Variants in NFYC observed in about 807,000 individuals in gnomAD.
NFYC encodes nuclear transcription factor Y subunit gamma, also known as CAAT box DNA-binding protein subunit C.
In NFYC, 25 loss-of-function variants were observed where a neutral mutation model predicts 53.1. The ratio of observed to expected loss-of-function variants is 0.47; its 90% CI spans 0.34 to 0.66. The LOEUF is 0.66. NFYC is among the 30% of genes least tolerant of loss of function. The pLI, the probability that NFYC is intolerant of heterozygous loss-of-function variation, is 0.01. For synonymous variants in NFYC, 145 were observed against 152.6 expected, an observed-to-expected ratio of 0.95 and a Z score of 0.37; for missense variants, 260 against 422.7, an observed-to-expected ratio of 0.62 and a Z score of 3.38.
intron 2 of NFYC, among the ~76,000 whole-genome samples, chr1:40,746,276 G>T (rs975688440): frequency 1.3e-5 from 2 of 152,142 alleles, no homozygotes; most frequent in Non-Finnish European, 2.9e-5. Context: ...AGAGCAGAGT[G>T]GTAGCCAAGC....
intron 4 of NFYC, among the ~76,000 whole-genome samples, chr1:40,751,168 T>C (rs1443664375): frequency 6.6e-6 from 1 of 152,178 alleles, no homozygotes; most frequent in African/African-American, 2.4e-5. Context: ...AATTCTGAGG[T>C]ATTGATGAAA....
chr1:40,691,872 G>GT lies in NFYC; in HGVS notation c.-9+6dup, dbSNP rs753359344. ...TTCCTGGACTCCTGAGCAGAGGTGT[G>GT]TGAGTGTGCGGGAGTTTCTGTGCGA... is the stretch of plus-strand genomic sequence containing the variant. On this transcript the variant is annotated splice_donor_region_variant and intron_variant, in intron 1 of 9. Transcript: ENST00000447388. 1.5e-5 allele frequency: 6 copies of GT among 401,160 alleles called. No homozygotes were observed. Among genetic ancestry groups the GT allele is most frequent in the South Asian group, 1.0e-4 (6 of 59,636 alleles). 24.9% of individuals were successfully genotyped at this position (401,160 alleles called of 1,614,324 possible).
chr1:40,734,534 C>T (rs4578213), intron 1 of NFYC, among the ~76,000 whole-genome samples: 133,232 of 151,854 alleles, frequency 0.88, 58,564 homozygotes, highest in East Asian at 0.98. Context: ...CTAATTTTTG[C>T]ATTTTTAGTA....
At chr1:40,752,022 C>G (rs111855727) in intron 4 of NFYC, among the ~76,000 whole-genome samples, 1,966 of 152,246 alleles carry the variant, frequency 0.013, 30 homozygotes, top group Non-Finnish European at 0.016. Context: ...TTTCCATCCT[C>G]TCCTGTTTTG....
chr1:40,736,846 G>T (rs913547012), intron 1 of NFYC, among the ~76,000 whole-genome samples: 6 of 125,596 alleles, frequency 4.8e-5, no homozygotes, highest in African/African-American at 1.9e-4. Flanking sequence ...AAAAAAAAAG[G>T]CTGGGCGCGG....
chr1:40,746,095 A>G (rs1023126109), intron 2 of NFYC, among the ~76,000 whole-genome samples: 8 of 152,202 alleles, frequency 5.3e-5, no homozygotes, highest in African/African-American at 1.7e-4. Context: ...GAGCAAGGGG[A>G]AAAACAAGAA....
chr1:40,734,828 T>A (rs1175328041), intron 1 of NFYC: 2 of 152,340 alleles, frequency 1.3e-5, no homozygotes, highest in Middle Eastern at 3.4e-3. Flanking sequence ...TGCAAAGATG[T>A]TAGAAAACAT....
intron 1 of NFYC, among the ~76,000 whole-genome samples, chr1:40,726,125 GTTTT>G (rs967130567): frequency 2.4e-5 from 3 of 126,372 alleles, no homozygotes; most frequent in African/African-American, 8.1e-5. Flanking sequence ...GTGTGTGTGT[GTTTT>G]TTTTTGAGAT....
intron 1 of NFYC, among the ~76,000 whole-genome samples, chr1:40,717,162 A>G (rs550187451): frequency 4.7e-4 from 72 of 151,884 alleles, no homozygotes; most frequent in African/African-American, 1.7e-3. Context: ...GGAGAGAATC[A>G]AGAAAGAGAA....
intron 5 of NFYC, among the ~76,000 whole-genome samples, chr1:40,754,693 T>C (rs543526568): frequency 6.6e-6 from 1 of 152,254 alleles, no homozygotes. Context: ...CAGGCCTTGC[T>C]CACTCTCATT....
chr1:40,771,478 G>C lies in NFYC; in HGVS notation c.*650G>C. 2.1e-6 allele frequency: 1 copy of C among 469,988 alleles called. No individual in the cohort carries two copies. The highest frequency in any genetic ancestry group is 2.0e-5 in the African/African-American group (1 of 50,152). 29.1% of individuals were successfully genotyped at this position (469,988 alleles called of 1,614,324 possible). A position where few individuals can be genotyped will look rare whatever the true frequency, so the allele number is the denominator to read the frequency against. ...ACACTCTTTTCTCCCAGGGACCCAG[G>C]AAACTAGGACTTTGTGTGTTTGCTG... On this transcript the variant is annotated 3_prime_UTR_variant, in exon 10 of 10. Coordinates refer to ENST00000447388, the MANE Select transcript of NFYC (RefSeq NM_014223.5).
chr1:40,769,143 A>G (rs1172657388), intron 8 of NFYC: 4 of 558,680 alleles, frequency 7.2e-6, no homozygotes, highest in Non-Finnish European at 1.3e-5. Context: ...TATGTGCTCC[A>G]GGATTCTCGA....
chr1:40,732,576 A>T (rs1644821946), intron 1 of NFYC, among the ~76,000 whole-genome samples: 2 of 152,266 alleles, frequency 1.3e-5, no homozygotes, highest in Admixed American at 1.3e-4. Flanking sequence ...GGTCTGATCA[A>T]ATCATCTCAC....
intron 2 of NFYC, among the ~76,000 whole-genome samples, chr1:40,739,327 A>G (rs987682214): frequency 3.3e-5 from 5 of 152,176 alleles, no homozygotes; most frequent in East Asian, 3.8e-4. Flanking sequence ...GGTAAAAACT[A>G]TTGGGCAATT....
intron 1 of NFYC, among the ~76,000 whole-genome samples, chr1:40,727,309 G>C (rs142613576): frequency 0.012 from 1,894 of 151,852 alleles, 17 homozygotes; most frequent in Middle Eastern, 0.034. Context: ...CTGCAGCCCT[G>C]ATCTCCCAGG....
At chr1:40,715,790 C>G (rs932284481) in intron 1 of NFYC, among the ~76,000 whole-genome samples, 11 of 151,938 alleles carry the variant, frequency 7.2e-5, no homozygotes, top group African/African-American at 2.7e-4. Context: ...AAGGTAAATT[C>G]CAGTATAAAG....
chr1:40,720,333 C>T (rs1210031676), intron 1 of NFYC, among the ~76,000 whole-genome samples: 1 of 152,148 alleles, frequency 6.6e-6, no homozygotes, highest in Admixed American at 6.5e-5. Flanking sequence ...CCACCACCCC[C>T]CTGGTTTTTA....
At chr1:40,707,760 G>T (rs997525292) in intron 1 of NFYC, among the ~76,000 whole-genome samples, 3 of 150,920 alleles carry the variant, frequency 2.0e-5, no homozygotes, top group Non-Finnish European at 4.4e-5. Context: ...GATCGCTTGA[G>T]CCCAGGAGGC....
chr1:40,726,004 C>T (rs1201335679), intron 1 of NFYC, among the ~76,000 whole-genome samples: 1 of 152,120 alleles, frequency 6.6e-6, no homozygotes, highest in Non-Finnish European at 1.5e-5. Flanking sequence ...AAGTCATAAC[C>T]TTTTGCTGCT....
Sources: gnomAD v4.1 joint callset for allele counts (sites outside exome capture counted in the v4.1 genomes callset) on GRCh38, gnomAD v4.1.1 for gene constraint, MANE v1.5 for transcripts, NCBI Gene and HGNC (gene_info 2026-07-23, HGNC 2026-07-21) for gene names.